Variants in MTR observed in about 807,000 individuals in gnomAD.
The protein encoded by MTR is 5-methyltetrahydrofolate-homocysteine methyltransferase.
In MTR, 84 loss-of-function variants were observed where a neutral mutation model predicts 154.8. The ratio of observed to expected loss-of-function variants is 0.54; its 90% CI spans 0.45 to 0.65. The LOEUF (loss-of-function observed/expected upper bound fraction) is 0.65. Among genes scored for constraint, MTR ranks in the 30% least tolerant of loss-of-function variants. The pLI, the probability that MTR is intolerant of heterozygous loss-of-function variation, is 0.00. For missense variants in MTR, 1,275 were observed against 1,570.2 expected (o/e 0.81, Z 3.18); for synonymous variants, 554 against 553.9 (o/e 1.00, Z 0.00).
intron 15 of MTR, among the ~76,000 whole-genome samples, 190 bp downstream of exon 15, chr1:236,838,789 T>TA (rs1250629645): frequency 6.6e-6 from 1 of 152,226 alleles, no homozygotes; most frequent in East Asian, 1.9e-4. Context: ...ACAATGGAGA[T>TA]ATGGTCTGAG....
intron 22 of MTR, among the ~76,000 whole-genome samples, chr1:236,865,781 A>AT (rs939867669): frequency 3.3e-5 from 5 of 151,132 alleles, no homozygotes; most frequent in African/African-American, 7.3e-5. Flanking sequence ...AGTATCACTG[A>AT]TTTTTTTTTC....
chr1:236,897,620 C>T lies in MTR; in HGVS notation c.3774C>T (p.Pro1258=), dbSNP rs76418646. The stretch of plus-strand genomic sequence containing the variant: ...CTGAGGTTGAGAAATGGCTTGGACC[C>T]ATTTTGGGATATGATACAGACTAAC... The part of the protein sequence containing the change: ...SVAEVEKWLG[P]ILGYDTD The change falls in exon 33 of 33, where the codon CCC becomes CCT. Residue 1258 remains proline, a synonymous_variant. Coordinates refer to ENST00000366577, the MANE Select transcript of MTR (RefSeq NM_000254.3). The T allele has an allele frequency of 1.6e-4, 250 of 1,612,630 alleles. No homozygotes were observed. The African/African-American group carries it at 2.5e-3, about 16-fold the overall frequency.
intron 18 of MTR, 59 bp from the exon 19 acceptor site, chr1:236,859,774 A>G (rs1018171589): frequency 7.4e-6 from 10 of 1,351,586 alleles, no homozygotes; most frequent in South Asian, 5.8e-5. Context: ...TTGTTTTGCC[A>G]TCAAACAGTT....
At chr1:236,886,729 C>A (rs751858221) in intron 27 of MTR, among the ~76,000 whole-genome samples, 1 of 152,198 alleles carries the variant, frequency 6.6e-6, no homozygotes, top group Non-Finnish European at 1.5e-5. Context: ...ATGCTCTTTC[C>A]TCTGTGCTGT....
Position 236,861,417 on chromosome 1 carries a change from T to C in MTR, c.2196+140T>C, listed in dbSNP as rs1242604793. ...TGGCTAGTCATTCCTTCTCTAAATA[T>C]GTTTAGGAGTCATGTCTGCAAGAAT... On this transcript the variant is annotated intron_variant, in intron 20 of 32. Transcript: ENST00000366577. 8 of 1,272,544 alleles carry C rather than the reference T, an allele frequency of 6.3e-6. No homozygotes were observed. The Admixed American group carries it at 1.5e-4, about 25-fold the overall frequency. The allele number at this position is 1,272,544 out of a possible 1,614,324, so 78.8% of individuals were successfully genotyped here.
At chr1:236,820,609 C>T in intron 8 of MTR, 1 of 547,798 alleles carries the variant, frequency 1.8e-6, no homozygotes, top group Non-Finnish European at 3.2e-6. Context: ...AAAAAAGTTT[C>T]CGTAAACATT....
At chr1:236,894,032 C>T (rs1203809285) in intron 29 of MTR, among the ~76,000 whole-genome samples, 6 of 151,788 alleles carry the variant, frequency 4.0e-5, no homozygotes, top group Non-Finnish European at 2.9e-5. Flanking sequence ...GACTTTAGCA[C>T]AGTGCCTGAA....
At chr1:236,823,794 A>ATC (rs1662115534) in intron 8 of MTR, among the ~76,000 whole-genome samples, 2 of 23,388 alleles carry the variant, frequency 8.6e-5, no homozygotes, top group African/African-American at 3.3e-4. Context: ...TTCAGGTCAG[A>ATC]TCTTTTTTTT....
chr1:236,843,125 G>A (rs563252960), intron 15 of MTR, among the ~76,000 whole-genome samples: 25 of 151,000 alleles, frequency 1.7e-4, no homozygotes, highest in African/African-American at 5.8e-4. Flanking sequence ...ATATACACAC[G>A]TTGAATGGTG....
chr1:236,897,533 A>T, intron 32 of MTR, 25 bp from the exon 33 acceptor site: 4 of 1,605,090 alleles, frequency 2.5e-6, no homozygotes, highest in Non-Finnish European at 3.4e-6. Flanking sequence ...TGTTGGTTTA[A>T]TAAAATGCTT....
rs116005424 is a variant in MTR, at chr1:236,845,569, A to G, written c.1516-4775A>G. Among the ~76,000 whole-genome samples the G allele has an allele frequency of 8.5e-3, 1,301 of 152,330 alleles. 27 individuals are homozygous for G. Among genetic ancestry groups the G allele is most frequent in the African/African-American group, 0.03 (1,233 of 41,572 alleles). On this transcript the variant is annotated intron_variant, in intron 15 of 32. Transcript: ENST00000366577. ...GGAAATTATTCCAACAAAAGAATTCAACAGCATAAGGATACTGTATATGCC... is the reference window on the plus strand; with the variant it reads ...GGAAATTATTCCAACAAAAGAATTCGACAGCATAAGGATACTGTATATGCC...
chr1:236,837,579 A>G (rs1433460236), intron 14 of MTR, among the ~76,000 whole-genome samples: 1 of 152,152 alleles, frequency 6.6e-6, no homozygotes, highest in Non-Finnish European at 1.5e-5. Flanking sequence ...TAGTCACTTA[A>G]TTATTTATTG....
At chr1:236,892,692 G>A (rs565903595) in intron 29 of MTR, among the ~76,000 whole-genome samples, 61 of 152,216 alleles carry the variant, frequency 4.0e-4, no homozygotes, top group Middle Eastern at 3.4e-3. Context: ...AGGCTCGGAC[G>A]CCACAGAATA....
intron 8 of MTR, among the ~76,000 whole-genome samples, chr1:236,823,619 C>T (rs1194291189): frequency 1.3e-5 from 2 of 152,022 alleles, no homozygotes; most frequent in Admixed American, 1.3e-4. Flanking sequence ...TGGAAGACCT[C>T]AGGCCCACCA....
chr1:236,806,570 T>TC (rs1367627311), intron 3 of MTR, among the ~76,000 whole-genome samples: 1 of 152,256 alleles, frequency 6.6e-6, no homozygotes, highest in Non-Finnish European at 1.5e-5. Flanking sequence ...TTTCTTTCTT[T>TC]TTTAAAAATT....
At chr1:236,881,303 A>G (rs980702232) in intron 25 of MTR, among the ~76,000 whole-genome samples, 1 of 152,178 alleles carries the variant, frequency 6.6e-6, no homozygotes, top group East Asian at 1.9e-4. Context: ...CTCTGTGAAC[A>G]TCATAAACAA....
At chr1:236,808,871 T>A (rs2103033430) in intron 4 of MTR, 98 bp downstream of exon 4, 3 of 1,101,144 alleles carry the variant, frequency 2.7e-6, no homozygotes, top group Non-Finnish European at 4.2e-6. Flanking sequence ...ATGTGGCCTT[T>A]GGCTTACGAG....
intron 8 of MTR, chr1:236,819,491 C>T: frequency 3.6e-6 from 1 of 281,064 alleles, no homozygotes; most frequent in Non-Finnish European, 6.9e-6. Context: ...GGTTTTTTTC[C>T]CATTCATGTA....
At chr1:236,847,950 A>G (rs1241697218) in intron 15 of MTR, among the ~76,000 whole-genome samples, 1 of 152,208 alleles carries the variant, frequency 6.6e-6, no homozygotes, top group African/African-American at 2.4e-5. Flanking sequence ...GTAAGACAGA[A>G]GCTTGGTGAA....
Sources: allele counts gnomAD v4.1 joint callset (sites outside exome capture counted in the v4.1 genomes callset), GRCh38; gene constraint gnomAD v4.1.1; transcripts MANE v1.5; gene names NCBI Gene and HGNC (gene_info 2026-07-23, HGNC 2026-07-21).